The following PLD1 variants were observed in gnomAD, a reference collection of about 807,000 sequenced individuals.
PLD1 encodes the protein phospholipase D1.
In PLD1, 112 loss-of-function variants were observed where a neutral mutation model predicts 137.1. The observed-to-expected ratio is 0.82, with a 90% confidence interval of 0.70 to 0.96. PLD1 has a LOEUF of 0.96. Ranked by LOEUF, PLD1 falls within the 40% of genes least tolerant of loss-of-function variation. The pLI is 0.00. For missense variants in PLD1, 1,321 were observed against 1,342.0 expected (o/e 0.98, Z 0.24); for synonymous variants, 431 against 454.7 (o/e 0.95, Z 0.66).
chr3:171,631,457 G>T (rs1734655898), intron 23 of PLD1, among the ~76,000 whole-genome samples: 1 of 152,102 alleles, frequency 6.6e-6, no homozygotes, highest in Non-Finnish European at 1.5e-5. Flanking sequence ...GAATAGGTTT[G>T]TGTGTGTGTA....
At chr3:171,672,734 C>T (rs1005301383) in intron 19 of PLD1, among the ~76,000 whole-genome samples, 1 of 152,196 alleles carries the variant, frequency 6.6e-6, no homozygotes, top group Non-Finnish European at 1.5e-5. Flanking sequence ...CTCCTCCTGC[C>T]TTGGCCTCCC....
chr3:171,603,521 T>C (rs983621778), intron 26 of PLD1, among the ~76,000 whole-genome samples: 4 of 152,200 alleles, frequency 2.6e-5, no homozygotes, highest in African/African-American at 4.8e-5. Context: ...TAAAAAATCA[T>C]GGTTAGTGGC....
chr3:171,708,377 C>A (rs572302593), intron 11 of PLD1, among the ~76,000 whole-genome samples: 51 of 152,186 alleles, frequency 3.4e-4, no homozygotes, highest in Non-Finnish European at 6.0e-4. Flanking sequence ...ATCAAAAGGA[C>A]AATTTAGAAG....
At chr3:171,659,746 C>T (rs1737512704) in intron 20 of PLD1, among the ~76,000 whole-genome samples, 2 of 152,146 alleles carry the variant, frequency 1.3e-5, no homozygotes, top group Non-Finnish European at 2.9e-5. Context: ...AAAGCCTGGT[C>T]TAGTTTTCTC....
chr3:171,718,311 A>G (rs1717825539), intron 8 of PLD1, among the ~76,000 whole-genome samples: 1 of 152,230 alleles, frequency 6.6e-6, no homozygotes, highest in African/African-American at 2.4e-5. Context: ...TCAGTAATAA[A>G]TAGCCTACCA....
At chr3:171,750,232 G>A (rs1720558179) in intron 1 of PLD1, among the ~76,000 whole-genome samples, 1 of 152,120 alleles carries the variant, frequency 6.6e-6, no homozygotes. Flanking sequence ...AATCTCACCA[G>A]AGAAAAGAAA....
intron 1 of PLD1, among the ~76,000 whole-genome samples, chr3:171,778,055 G>A (rs1278722878): frequency 6.6e-6 from 1 of 152,088 alleles, no homozygotes; most frequent in African/African-American, 2.4e-5. Context: ...ATTCATATAT[G>A]TATTTGTTGC....
intron 19 of PLD1, among the ~76,000 whole-genome samples, chr3:171,672,459 TCTA>T (rs1306174812): frequency 1.3e-5 from 2 of 151,930 alleles, no homozygotes; most frequent in Admixed American, 6.6e-5. Flanking sequence ...GCTTATCAGA[TCTA>T]GTCTCATTTC....
chr3:171,719,470 G>A (rs977240949), intron 8 of PLD1, among the ~76,000 whole-genome samples: 1 of 152,142 alleles, frequency 6.6e-6, no homozygotes, highest in Non-Finnish European at 1.5e-5. Context: ...CCACCATCTC[G>A]CCTAAATAAT....
At chr3:171,754,319 C>T (rs1720865896) in intron 1 of PLD1, among the ~76,000 whole-genome samples, 1 of 152,184 alleles carries the variant, frequency 6.6e-6, no homozygotes, top group South Asian at 2.1e-4. Flanking sequence ...GTAATGCTTT[C>T]TGGGTTACAA....
At position 171,733,643 on chromosome 3, in the gene PLD1, C is replaced by A. The variant is rs1337973183; in HGVS notation, c.541-134G>T. ...TTATTCAATTATTTATTAATATAAT[C>A]ATGGAGCAAGGAATCCTGAATAGCA... On this transcript the variant is annotated intron_variant, in intron 5 of 26. Transcript: ENST00000351298. The A allele has an allele frequency of 3.3e-5, 18 of 548,744 alleles. No homozygotes were observed. In the Admixed American group the frequency reaches 6.6e-4, roughly 20 times the overall value. 34.0% of individuals were successfully genotyped at this position (548,744 alleles called of 1,614,324 possible). A position where few individuals can be genotyped will look rare whatever the true frequency, so the allele number is the denominator to read the frequency against.
At chr3:171,764,866 A>AGGAAGGAAGGAAAG (rs796566714) in intron 1 of PLD1, among the ~76,000 whole-genome samples, 1 of 23,028 alleles carries the variant, frequency 4.3e-5, no homozygotes, top group Non-Finnish European at 9.3e-5. Context: ...AAAGAAAGAA[A>AGGAAGGAAGGAAAG]GAAAGAAAGA....
At chr3:171,785,276 T>C (rs1722965020) in intron 1 of PLD1, among the ~76,000 whole-genome samples, 1 of 152,222 alleles carries the variant, frequency 6.6e-6, no homozygotes, top group Non-Finnish European at 1.5e-5. Flanking sequence ...TAATTTTAAA[T>C]TTTCTAGTAG....
intron 11 of PLD1, among the ~76,000 whole-genome samples, chr3:171,704,382 A>G (rs1433751470): frequency 2.0e-5 from 3 of 151,932 alleles, no homozygotes; most frequent in Non-Finnish European, 4.4e-5. Context: ...GGATTCAAAC[A>G]AGACTCAAGA....
rs1026949473 is a variant in PLD1 at position 171,605,365 on chromosome 3, C to G, written c.2934G>C (p.Val978=). Residue 978 remains valine (V), a synonymous_variant, in exon 26 of 27, where the codon GTG becomes GTC. Transcript: ENST00000351298. The part of the protein sequence containing the change: ...DDPSEDIQDP[V]SDKFFKEVWV... ...ACACCTCCTTGAAGAATTTGTCACT[C>G]ACTGGATCCTGAATGTCCTCACTTG... 6.2e-7 allele frequency: 1 copy of G among 1,613,926 alleles called. No homozygotes were observed. Among genetic ancestry groups the G allele is most frequent in the African/African-American group, 1.3e-5 (1 of 75,014 alleles).
At chr3:171,623,476 T>C (rs1578126478) in intron 23 of PLD1, among the ~76,000 whole-genome samples, 1 of 55,982 alleles carries the variant, frequency 1.8e-5, no homozygotes, top group South Asian at 8.3e-4. Context: ...CACCACGCCT[T>C]GCTAATTTTT....
intron 22 of PLD1, among the ~76,000 whole-genome samples, chr3:171,644,555 TTTAA>T (rs1208617705): frequency 6.6e-6 from 1 of 152,216 alleles, no homozygotes; most frequent in East Asian, 1.9e-4. Flanking sequence ...ATTTCAGGCA[TTTAA>T]TTTTTTCTCT....
intron 1 of PLD1, among the ~76,000 whole-genome samples, chr3:171,807,343 C>T (rs76424466): frequency 0.022 from 3,357 of 152,096 alleles, 128 homozygotes; most frequent in African/African-American, 0.076. Flanking sequence ...CGAGAAGGAA[C>T]TCAAACCTTG....
chr3:171,735,486 GGTTACCTTCTA>G lies in PLD1; in HGVS notation c.429_434+5del. 1 of 1,611,646 alleles carries G rather than the reference GGTTACCTTCTA, an allele frequency of 6.2e-7. No individual in the cohort carries two copies. Among genetic ancestry groups the G allele is most frequent in the Non-Finnish European group, 8.5e-7 (1 of 1,177,838 alleles). ...ATACTGGCATAATTAATTCCAAAAT[GGTTACCTTCTA>G]GTGGGAATGGGGATGCGGATAAAGG... is the stretch of plus-strand genomic sequence containing the variant. On this transcript the variant is annotated splice_donor_variant and splice_donor_5th_base_variant and coding_sequence_variant and intron_variant, in exon 4 of 27. Transcript: ENST00000351298. LOFTEE classifies it high-confidence loss of function.
Sources: gnomAD v4.1 joint callset for allele counts (sites outside exome capture counted in the v4.1 genomes callset) on GRCh38, gnomAD v4.1.1 for gene constraint, MANE v1.5 for transcripts, NCBI Gene and HGNC (gene_info 2026-07-23, HGNC 2026-07-21) for gene names.